The following SP4 variants were observed in gnomAD, a reference collection of about 807,000 sequenced individuals.
SP4 encodes Sp4 transcription factor, also known as transcription factor Sp4.
Under a neutral mutation model 72.8 loss-of-function variants are expected in SP4, and 19 were observed. The ratio of observed to expected loss-of-function variants is 0.26; its 90% CI spans 0.18 to 0.38. SP4 has a LOEUF of 0.38. SP4 is among the 10% of genes least tolerant of loss of function. The pLI, the probability that SP4 is intolerant of heterozygous loss-of-function variation, is 1.00. For synonymous variants in SP4, 395 were observed against 333.1 expected, an observed-to-expected ratio of 1.19 and a Z score of -2.02; for missense variants, 1,008 against 926.3, an observed-to-expected ratio of 1.09 and a Z score of -1.14.
intron 4 of SP4, among the ~76,000 whole-genome samples, chr7:21,481,090 G>C (rs752958722): frequency 4.6e-5 from 7 of 152,104 alleles, no homozygotes; most frequent in Non-Finnish European, 8.8e-5. Context: ...AACTATGAAT[G>C]GGCCAGGTCA....
intron 3 of SP4, among the ~76,000 whole-genome samples, chr7:21,435,117 T>C (rs948874387): frequency 2.0e-5 from 3 of 152,228 alleles, no homozygotes; most frequent in African/African-American, 7.2e-5. Context: ...ATGTGACTTA[T>C]TTTTGGCAGT....
intron 4 of SP4, among the ~76,000 whole-genome samples, chr7:21,480,919 T>C (rs904185368): frequency 2.0e-5 from 3 of 152,216 alleles, no homozygotes; most frequent in Non-Finnish European, 4.4e-5. Flanking sequence ...CTTTGTTTTA[T>C]GGTGTGTTTC....
intron 3 of SP4, among the ~76,000 whole-genome samples, chr7:21,449,651 C>A (rs1451196817): frequency 6.6e-6 from 1 of 152,078 alleles, no homozygotes; most frequent in Non-Finnish European, 1.5e-5. Context: ...ATGACAAATT[C>A]TCATCTATAA....
chr7:21,477,360 T>G lies in SP4; in HGVS notation c.1907+53T>G. ...TATTTGGAAGGCATAAAACAGCAGT[T>G]AAAACCAAGTAATTGGCTGGGAATG... On this transcript the variant is annotated intron_variant, in intron 4 of 5. Transcript: ENST00000222584. The G allele has an allele frequency of 3.6e-6, 4 of 1,120,040 alleles. No individual in the cohort carries two copies. The South Asian group carries it at 5.3e-5, about 15-fold the overall frequency. The allele number at this position is 1,120,040 out of a possible 1,614,324, so 69.4% of individuals were successfully genotyped here. A position where few individuals can be genotyped will look rare whatever the true frequency, so the allele number is the denominator to read the frequency against.
chr7:21,451,197 G>C (rs139313150), intron 3 of SP4, among the ~76,000 whole-genome samples: 2 of 152,112 alleles, frequency 1.3e-5, no homozygotes, highest in East Asian at 1.9e-4. Flanking sequence ...AAACTCTGCC[G>C]TTTGCCTCTT....
chr7:21,430,738 G>T lies in SP4; in HGVS notation c.1573G>T (p.Ala525Ser). The part of the protein sequence containing the change: ...VAGAPITLNT[A>S]QLASVPNLQT... ...TGGTGCCCCAATAACTTTGAATACT[G>T]CCCAGCTTGCATCAGTGCCTAACCT... Residue 525 changes from alanine (A) to serine (S), a missense_variant, in exon 3 of 6, where the codon GCC (alanine) becomes TCC (serine). Physicochemically the swap from Ala to Ser is moderately conservative, Grantham distance 99. Transcript: ENST00000222584. The T allele has an allele frequency of 6.2e-7, 1 of 1,614,194 alleles. No homozygotes were observed. The highest frequency in any genetic ancestry group is 1.1e-5 in the South Asian group (1 of 91,074).
intron 5 of SP4, among the ~76,000 whole-genome samples, chr7:21,504,408 A>T (rs1345839327): frequency 6.6e-6 from 1 of 152,164 alleles, no homozygotes; most frequent in African/African-American, 2.4e-5. Flanking sequence ...AGACCATATA[A>T]TTTACAGATT....
chr7:21,450,258 C>A (rs1783548583), intron 3 of SP4, among the ~76,000 whole-genome samples: 1 of 152,086 alleles, frequency 6.6e-6, no homozygotes, highest in Admixed American at 6.6e-5. Context: ...ATATTGTGAA[C>A]AGAGCCAACA....
intron 3 of SP4, among the ~76,000 whole-genome samples, chr7:21,446,216 T>G (rs1305541693): frequency 6.6e-6 from 1 of 152,182 alleles, no homozygotes; most frequent in Non-Finnish European, 1.5e-5. Flanking sequence ...CATATGGGGA[T>G]ATTTCTAAAA....
intron 5 of SP4, among the ~76,000 whole-genome samples, chr7:21,483,292 A>G (rs1784736613): frequency 6.6e-6 from 1 of 151,736 alleles, no homozygotes; most frequent in East Asian, 1.9e-4. Flanking sequence ...TATGATTTAT[A>G]TGTTATACTT....
Position 21,511,304 on chromosome 7 carries a change from C to T in SP4, c.*35C>T, listed in dbSNP as rs1291504452. The T allele has an allele frequency of 2.5e-6, 4 of 1,590,626 alleles. No individual in the cohort carries two copies. Among genetic ancestry groups the T allele is most frequent in the Non-Finnish European group, 3.4e-6 (4 of 1,165,686 alleles). On this transcript the variant is annotated 3_prime_UTR_variant, in exon 6 of 6. Transcript: ENST00000222584. Reference sequence around the variant, plus strand: ...TATAACAGAGACCTCTAGTGCTGCACTTGTTTACACACCTTTGAAAATCTG... The same window carrying T: ...TATAACAGAGACCTCTAGTGCTGCATTTGTTTACACACCTTTGAAAATCTG...
chr7:21,431,076 T>C (rs73682376), intron 3 of SP4, among the ~76,000 whole-genome samples: 5,203 of 152,308 alleles, frequency 0.034, 284 homozygotes, highest in African/African-American at 0.12. Flanking sequence ...TTAAAAAGTA[T>C]TGTTTTATGG....
intron 3 of SP4, among the ~76,000 whole-genome samples, chr7:21,450,667 A>G (rs73058493): frequency 0.03 from 4,550 of 152,326 alleles, 105 homozygotes; most frequent in Non-Finnish European, 0.048. Flanking sequence ...GCAAGTGCTT[A>G]AACAGGATAT....
intron 3 of SP4, among the ~76,000 whole-genome samples, chr7:21,448,808 C>T (rs1035628869): frequency 2.6e-5 from 4 of 152,044 alleles, no homozygotes; most frequent in Admixed American, 1.3e-4. Context: ...ATTACATTGT[C>T]GTTTTTACAT....
At chr7:21,439,638 T>C (rs1783171822) in intron 3 of SP4, among the ~76,000 whole-genome samples, 1 of 152,052 alleles carries the variant, frequency 6.6e-6, no homozygotes, top group Non-Finnish European at 1.5e-5. Flanking sequence ...TCCTGGAATC[T>C]CAGTACTTTG....
chr7:21,445,988 ATGTGTGTGTGTGTGTGTGTGTGTG>A (rs4000966), intron 3 of SP4, among the ~76,000 whole-genome samples: 7 of 143,118 alleles, frequency 4.9e-5, no homozygotes, highest in Admixed American at 1.4e-4. Flanking sequence ...TCTTATGTGT[ATGTGTGTGTGTGTGTGTGTGTGTG>A]TGTGTGTGTG....
intron 4 of SP4, among the ~76,000 whole-genome samples, chr7:21,478,861 G>A (rs769305774): frequency 1.3e-5 from 2 of 152,236 alleles, no homozygotes; most frequent in South Asian, 2.1e-4. Flanking sequence ...CCTGAGGTCA[G>A]GAGTTCAAGA....
intron 3 of SP4, among the ~76,000 whole-genome samples, chr7:21,449,947 G>A (rs1783540598): frequency 6.6e-6 from 1 of 152,018 alleles, no homozygotes; most frequent in Admixed American, 6.6e-5. Flanking sequence ...CTAGGTAATT[G>A]TTCCAATTGA....
chr7:21,510,873 T>A, intron 5 of SP4, 149 bp from the exon 6 acceptor site: 1 of 700,410 alleles, frequency 1.4e-6, no homozygotes, highest in Non-Finnish European at 2.3e-6. Flanking sequence ...CATTGTGTAT[T>A]TGATAACGTT....
Sources: gnomAD v4.1 joint callset for allele counts (sites outside exome capture counted in the v4.1 genomes callset) on GRCh38, gnomAD v4.1.1 for gene constraint, MANE v1.5 for transcripts, NCBI Gene and HGNC (gene_info 2026-07-23, HGNC 2026-07-21) for gene names.